Variants in MGAT4C observed in about 807,000 individuals in gnomAD.
The protein encoded by MGAT4C is alpha-1,3-mannosyl-glycoprotein 4-beta-N-acetylglucosaminyltransferase C.
In MGAT4C, 19 loss-of-function variants were observed where a neutral mutation model predicts 40.1. The ratio of observed to expected loss-of-function variants is 0.47; its 90% CI spans 0.33 to 0.70. The LOEUF (loss-of-function observed/expected upper bound fraction) is 0.70, where lower values mean the gene tolerates loss of function less well. Ranked by LOEUF, MGAT4C falls within the 30% of genes least tolerant of loss-of-function variation. The probability of loss-of-function intolerance (pLI) is 0.02; values close to 1 mark genes in which losing one functional copy is unlikely to be tolerated. For missense variants in MGAT4C, 491 were observed against 563.2 expected, an observed-to-expected ratio of 0.87 and a Z score of 1.30; for synonymous variants, 181 against 187.1, an observed-to-expected ratio of 0.97 and a Z score of 0.27.
chr12:86,111,638 G>T (rs1877432158), intron 1 of MGAT4C, among the ~76,000 whole-genome samples: 1 of 151,782 alleles, frequency 6.6e-6, no homozygotes, highest in South Asian at 2.1e-4. Flanking sequence ...ATTTGTGCAT[G>T]TTAAAGGAAG....
At chr12:86,162,712 T>C (rs570580577) in intron 1 of MGAT4C, among the ~76,000 whole-genome samples, 2 of 152,310 alleles carry the variant, frequency 1.3e-5, no homozygotes, top group Middle Eastern at 6.8e-3. Flanking sequence ...AAACAGCTAT[T>C]GACAGCAAAT....
intron 2 of MGAT4C, among the ~76,000 whole-genome samples, chr12:86,449,395 C>T (rs1957388546): frequency 6.6e-6 from 1 of 152,114 alleles, no homozygotes; most frequent in African/African-American, 2.4e-5. Flanking sequence ...TTCAGATTTA[C>T]CTAATTTTGT....
chr12:86,038,312 C>T (rs975414328), intron 2 of MGAT4C, among the ~76,000 whole-genome samples: 1 of 149,568 alleles, frequency 6.7e-6, no homozygotes, highest in Non-Finnish European at 1.5e-5. Context: ...GAGCCCTGGA[C>T]ATTATGTCAG....
chr12:86,777,726 T>G (rs944232683), intron 1 of MGAT4C, among the ~76,000 whole-genome samples: 6 of 152,192 alleles, frequency 3.9e-5, no homozygotes, highest in African/African-American at 1.4e-4. Context: ...TTTAAGTTGA[T>G]TGGCTACTCC....
chr12:86,649,058 T>C (rs561029984), intron 2 of MGAT4C, among the ~76,000 whole-genome samples: 1 of 151,980 alleles, frequency 6.6e-6, no homozygotes, highest in African/African-American at 2.4e-5. Flanking sequence ...TTTAAACACA[T>C]GTAATTTTGT....
chr12:86,288,933 AT>A (rs1953428760), intron 4 of MGAT4C, among the ~76,000 whole-genome samples: 1 of 151,884 alleles, frequency 6.6e-6, no homozygotes, highest in African/African-American at 2.4e-5. Flanking sequence ...TCATTTTTTA[AT>A]TTTTGTCTTT....
rs1261210357 is a variant in MGAT4C at position 86,276,858 on chromosome 12, C to A, written c.-57+57207G>T. On this transcript the variant is annotated intron_variant, in intron 4 of 7. Coordinates refer to the MGAT4C transcript ENST00000548651. ...TGTTGATGGACACTTAGCTTCCCTCCAAATCTTGGCTATTATAAATAGTGC... is the reference window on the plus strand; with the variant it reads ...TGTTGATGGACACTTAGCTTCCCTCAAAATCTTGGCTATTATAAATAGTGC... Among the ~76,000 whole-genome samples, 3 of 152,222 alleles carry A rather than the reference C, an allele frequency of 2.0e-5. No homozygotes were observed. In the East Asian group the frequency reaches 5.8e-4, roughly 29 times the overall value.
At chr12:86,715,105 C>T (rs1950623005) in intron 2 of MGAT4C, among the ~76,000 whole-genome samples, 3 of 152,042 alleles carry the variant, frequency 2.0e-5, no homozygotes, top group Admixed American at 2.0e-4. Flanking sequence ...TAGCCCTTTA[C>T]TTTTAAAAGT....
chr12:86,814,203 AT>A (rs1374744692), intron 1 of MGAT4C, among the ~76,000 whole-genome samples: 2 of 151,052 alleles, frequency 1.3e-5, no homozygotes, highest in Admixed American at 6.6e-5. Flanking sequence ...CAAATTATTT[AT>A]TTTTTAAGCT....
intron 1 of MGAT4C, among the ~76,000 whole-genome samples, chr12:86,777,203 T>C (rs1951762160): frequency 6.6e-6 from 1 of 152,188 alleles, no homozygotes; most frequent in African/African-American, 2.4e-5. Context: ...TTTCACAACA[T>C]GATGTTTTGA....
chr12:86,762,105 G>T (rs903751401), intron 1 of MGAT4C, among the ~76,000 whole-genome samples: 1 of 151,452 alleles, frequency 6.6e-6, no homozygotes, highest in African/African-American at 2.4e-5. Context: ...AGGCTGGAGT[G>T]CAGTGGCATG....
At chr12:86,768,123 G>T (rs1483677451) in intron 1 of MGAT4C, among the ~76,000 whole-genome samples, 1 of 152,136 alleles carries the variant, frequency 6.6e-6, no homozygotes, top group Non-Finnish European at 1.5e-5. Flanking sequence ...AAACCCCATT[G>T]TCTCAGCCCA....
At chr12:86,603,808 A>G (rs1016446151) in intron 2 of MGAT4C, among the ~76,000 whole-genome samples, 4 of 137,166 alleles carry the variant, frequency 2.9e-5, no homozygotes, top group Non-Finnish European at 4.7e-5. Flanking sequence ...TATATTATAT[A>G]GTATATAATA....
intron 3 of MGAT4C, among the ~76,000 whole-genome samples, chr12:85,986,103 T>C (rs1480323705): frequency 6.6e-6 from 1 of 152,204 alleles, no homozygotes; most frequent in African/African-American, 2.4e-5. Flanking sequence ...GAAATCACTT[T>C]ATTAAATTCT....
intron 4 of MGAT4C, among the ~76,000 whole-genome samples, chr12:86,320,644 A>T (rs1954361336): frequency 6.6e-6 from 1 of 152,126 alleles, no homozygotes; most frequent in Non-Finnish European, 1.5e-5. Context: ...GTTAAATCTC[A>T]CTGCTGATCA....
intron 2 of MGAT4C, among the ~76,000 whole-genome samples, chr12:85,993,753 G>C (rs1886265801): frequency 6.6e-6 from 1 of 152,186 alleles, no homozygotes; most frequent in African/African-American, 2.4e-5. Context: ...AGAAAAGAGA[G>C]GGGAGATACA....
At chr12:86,198,081 A>G (rs1949892529) in intron 1 of MGAT4C, among the ~76,000 whole-genome samples, 1 of 152,186 alleles carries the variant, frequency 6.6e-6, no homozygotes, top group Admixed American at 6.5e-5. Flanking sequence ...GGAATACTTC[A>G]TTTTAAATCA....
intron 3 of MGAT4C, among the ~76,000 whole-genome samples, chr12:85,986,770 T>G (rs1187791111): frequency 6.6e-6 from 1 of 152,052 alleles, no homozygotes; most frequent in Non-Finnish European, 1.5e-5. Flanking sequence ...TCAGATAATT[T>G]TATTAAAAAA....
intron 1 of MGAT4C, among the ~76,000 whole-genome samples, chr12:86,820,662 G>A (rs1952689812): frequency 6.6e-6 from 1 of 150,660 alleles, no homozygotes; most frequent in African/African-American, 2.4e-5. Context: ...TAATAATAAA[G>A]TGATACATAG....
Sources: allele counts gnomAD v4.1 joint callset (sites outside exome capture counted in the v4.1 genomes callset), GRCh38; gene constraint gnomAD v4.1.1; transcripts MANE v1.5; gene names NCBI Gene and HGNC (gene_info 2026-07-23, HGNC 2026-07-21).